SCNN1A: variants seen among roughly 807,000 people sequenced by gnomAD.
The protein encoded by SCNN1A is epithelial sodium channel subunit alpha.
In SCNN1A, 65 loss-of-function variants were observed where a neutral mutation model predicts 68.6. That is an observed-to-expected ratio of 0.95 (90% CI 0.78 to 1.16). The LOEUF (loss-of-function observed/expected upper bound fraction) is 1.16. Ranked by LOEUF, SCNN1A falls within the 50% of genes most tolerant of loss-of-function variation. The probability of loss-of-function intolerance (pLI) is 0.00; values close to 1 mark genes in which losing one functional copy is unlikely to be tolerated. For missense variants in SCNN1A, 880 were observed against 865.9 expected (o/e 1.02, Z -0.20); for synonymous variants, 357 against 353.3 (o/e 1.01, Z -0.12).
chr12:6,352,314 A>T (rs1421173285), intron 8 of SCNN1A, among the ~76,000 whole-genome samples: 2 of 152,176 alleles, frequency 1.3e-5, no homozygotes, highest in African/African-American at 4.8e-5. Flanking sequence ...TTATTTTGTC[A>T]TTATTGCTAC....
chr12:6,374,562 C>T lies in SCNN1A; in HGVS notation c.222G>A (p.Leu74=), dbSNP rs773836542. 30 of 1,614,024 alleles carry T rather than the reference C, an allele frequency of 1.9e-5. No individual in the cohort carries two copies. The highest frequency in any genetic ancestry group is 2.1e-5 in the Non-Finnish European group (25 of 1,180,020). ...TCATGCGGTTGTGCTGGGAGCACAC[C>T]AGGCGGATGGCGCCGTGGATGGTGG... ...NNTTIHGAIR[L]VCSQHNRMKT... Residue 74 remains leucine, a synonymous_variant, in exon 2 of 13, where the codon CTG becomes CTA. Coordinates refer to ENST00000228916, the MANE Select transcript of SCNN1A (RefSeq NM_001038.6). The surrounding 1 kb of genome is among the most constrained non-coding windows in gnomAD (Gnocchi z 6.2).
intron 2 of SCNN1A, among the ~76,000 whole-genome samples, chr12:6,369,514 T>C (rs1948747681): frequency 1.3e-5 from 2 of 152,242 alleles, no homozygotes; most frequent in South Asian, 4.1e-4. Flanking sequence ...CCAAAAGGTC[T>C]ACTGCTCCTC....
At chr12:6,363,242 C>G (rs1308433738) in intron 3 of SCNN1A, among the ~76,000 whole-genome samples, 1 of 151,946 alleles carries the variant, frequency 6.6e-6, no homozygotes, top group Non-Finnish European at 1.5e-5. Flanking sequence ...GCCCCAAAAG[C>G]TTGGGCACCA....
intron 1 of SCNN1A, 178 bp from the exon 2 acceptor site, chr12:6,375,015 G>A: frequency 2.6e-6 from 4 of 1,545,496 alleles, no homozygotes; most frequent in Non-Finnish European, 3.5e-6. Context: ...CACCTTTCCT[G>A]GAGCCAGCAG....
chr12:6,366,368 T>C (rs1948680041), intron 2 of SCNN1A, among the ~76,000 whole-genome samples: 1 of 152,224 alleles, frequency 6.6e-6, no homozygotes, highest in South Asian at 2.1e-4. Context: ...ACCAGTATTA[T>C]TTCTAATAGC....
At chr12:6,362,007 A>AGCGGACCCC in intron 4 of SCNN1A, 44 bp downstream of exon 4, 1 of 1,602,552 alleles carries the variant, frequency 6.2e-7, no homozygotes. Context: ...GACCCAGGGA[A>AGCGGACCCC]GCGGACCCCG....
chr12:6,358,965 G>A (rs528904754), intron 4 of SCNN1A, among the ~76,000 whole-genome samples: 3 of 151,736 alleles, frequency 2.0e-5, no homozygotes, highest in African/African-American at 2.4e-5. Context: ...CTTTGAAAAC[G>A]TTATGCTAAA....
chr12:6,348,089 C>G lies in SCNN1A; in HGVS notation c.1794G>C (p.Gly598=), dbSNP rs200891555. 1 of 1,614,144 alleles carries G rather than the reference C, an allele frequency of 6.2e-7. No individual in the cohort carries two copies. The highest frequency in any genetic ancestry group is 2.2e-5 in the East Asian group (1 of 44,870). The part of the protein sequence containing the change: ...FRSRYWSPGR[G]GRGAQEVAST... ...AGGCTACCTCCTGAGCACCCCTGCC[C>G]CCTCGGCCTGGAGACCAGTATCGGC... Residue 598 remains glycine (G), a synonymous_variant, in exon 13 of 13, where the codon GGG becomes GGC. Coordinates refer to ENST00000228916, the MANE Select transcript of SCNN1A (RefSeq NM_001038.6).
At chr12:6,366,657 G>A (rs1292804923) in intron 2 of SCNN1A, among the ~76,000 whole-genome samples, 3 of 152,024 alleles carry the variant, frequency 2.0e-5, no homozygotes, top group Non-Finnish European at 4.4e-5. Context: ...AAAATTAGCC[G>A]GGCGTGGTGG....
chr12:6,348,699 T>A lies in SCNN1A; in HGVS notation c.1629+28A>T, dbSNP rs72657548. 0.012 allele frequency: 18,814 copies of A among 1,594,148 alleles called. 152 individuals are homozygous for A. Among genetic ancestry groups the A allele is most frequent in the Non-Finnish European group, 0.013 (15,076 of 1,162,738 alleles). On this transcript the variant is annotated intron_variant, in intron 12 of 12. Coordinates refer to ENST00000228916, the MANE Select transcript of SCNN1A (RefSeq NM_001038.6). ...CCTGCTAAGTAAGACCCCCAGAGCA[T>A]CACAGGCTCCATCCAGGCACGACCT...
At position 6,348,027 on chromosome 12, in the gene SCNN1A, G is replaced by T. The variant is rs775445715; in HGVS notation, c.1856C>A (p.Pro619His). 4 of 1,601,490 alleles carry T rather than the reference G, an allele frequency of 2.5e-6. No individual in the cohort carries two copies. The African/African-American group carries it at 5.4e-5, about 21-fold the overall frequency. Residue 619 changes from proline (P) to histidine (H), a missense_variant, in exon 13 of 13, where the codon CCC (proline) becomes CAC (histidine). Transcript: ENST00000228916. The part of the protein sequence containing the change: ...LASSPPSHFC[P>H]HPMSLSLSQP... ...GGACAAGGACAGAGACATGGGGTGG[G>T]GGCAGAAGTGGGAAGGAGGGGAGGA...
At chr12:6,363,883 G>A (rs938244675) in intron 2 of SCNN1A, 173 bp from the exon 3 acceptor site, 10 of 520,544 alleles carry the variant, frequency 1.9e-5, no homozygotes, top group African/African-American at 1.6e-4. Context: ...AGGGTAAACA[G>A]GTGTGTCCGC....
intron 8 of SCNN1A, chr12:6,354,005 T>C (rs149113888): frequency 0.024 from 4,113 of 169,312 alleles, 130 homozygotes; most frequent in East Asian, 0.14. Flanking sequence ...CCGAGGCGGG[T>C]GGATCATGAG....
intron 4 of SCNN1A, among the ~76,000 whole-genome samples, chr12:6,360,063 G>C (rs1458829752): frequency 1.3e-5 from 2 of 152,194 alleles, no homozygotes; most frequent in African/African-American, 4.8e-5. Context: ...GAGCCACCGT[G>C]CCCGGTGAGA....
chr12:6,375,150 T>C lies in SCNN1A; in HGVS notation c.-54-313A>G. On this transcript the variant is annotated intron_variant, in intron 1 of 12. Coordinates refer to ENST00000228916, the MANE Select transcript of SCNN1A (RefSeq NM_001038.6). ...CACCTCCCTTTCTGTCTCTGCCCCC[T>C]TCCTTTGGTCTTCTTCCTCCAGGAT... 4 of 1,467,118 alleles carry C rather than the reference T, an allele frequency of 2.7e-6. No homozygotes were observed. The South Asian group carries it at 5.6e-5, about 20-fold the overall frequency. 90.9% of individuals were successfully genotyped at this position (1,467,118 alleles called of 1,614,324 possible). A position where few individuals can be genotyped will look rare whatever the true frequency, so the allele number is the denominator to read the frequency against.
rs985419660 is a variant in SCNN1A at position 6,355,393 on chromosome 12, G to T, written c.1022C>A (p.Pro341His). Residue 341 changes from proline (P) to histidine (H), a missense_variant, in exon 6 of 13, where the codon CCC becomes CAC. Around this residue, in one of 3 missense-constraint regions of SCNN1A, gnomAD observed 758 missense variants for 721.8 expected, o/e 1.05. Coordinates refer to ENST00000228916, the MANE Select transcript of SCNN1A (RefSeq NM_001038.6). ...GGCCCCAGTCACTGTGGACAGCAGG[G>T]GAATGAAGTCATTCTGCTCTGCGCG... ...MLRAEQNDFI[P>H]LLSTVTGARV... The T allele has an allele frequency of 8.1e-6, 13 of 1,613,906 alleles. No homozygotes were observed. Among genetic ancestry groups the T allele is most frequent in the Non-Finnish European group, 1.1e-5 (13 of 1,179,998 alleles).
upstream of SCNN1A, chr12:6,375,946 C>T: frequency 1.0e-5 from 11 of 1,067,194 alleles, no homozygotes; most frequent in Non-Finnish European, 1.1e-5. Context: ...GGAGGAGGGG[C>T]ACTGAGTGAG....
At chr12:6,354,247 AG>A (rs1948452576) in intron 8 of SCNN1A, among the ~76,000 whole-genome samples, 190 bp downstream of exon 8, 1 of 152,030 alleles carries the variant, frequency 6.6e-6, no homozygotes, top group South Asian at 2.1e-4. Flanking sequence ...ATAGAAAAAA[AG>A]AGAGAGAGAC....
Position 6,347,798 on chromosome 12 carries a change from C to T in SCNN1A, c.*75G>A. 2 of 1,325,700 alleles carry T rather than the reference C, an allele frequency of 1.5e-6. No homozygotes were observed. Among genetic ancestry groups the T allele is most frequent in the South Asian group, 2.5e-5 (2 of 80,604 alleles). 82.1% of individuals were successfully genotyped at this position (1,325,700 alleles called of 1,614,324 possible). A position where few individuals can be genotyped will look rare whatever the true frequency, so the allele number is the denominator to read the frequency against. On this transcript the variant is annotated 3_prime_UTR_variant, in exon 13 of 13. Coordinates refer to ENST00000228916, the MANE Select transcript of SCNN1A (RefSeq NM_001038.6). Reference sequence around the variant, plus strand: ...GCTCTGAGAGGAAGCCCTGCACATCCTTCAATCTTGCCAGGGCCAGCACCC... The same window carrying T: ...GCTCTGAGAGGAAGCCCTGCACATCTTTCAATCTTGCCAGGGCCAGCACCC...
Sources: allele counts gnomAD v4.1 joint callset (sites outside exome capture counted in the v4.1 genomes callset), GRCh38; gene constraint gnomAD v4.1.1; regional missense constraint gnomAD v4.1.1; non-coding constraint Gnocchi (gnomAD v3.1); transcripts MANE v1.5; gene names NCBI Gene and HGNC (gene_info 2026-07-23, HGNC 2026-07-21).